Variants in RNF150 observed in about 807,000 individuals in gnomAD.
RNF150 encodes ring finger protein 150.
RNF150 carries 24 observed loss-of-function variants against 39.3 expected under a neutral mutation model. The ratio of observed to expected loss-of-function variants is 0.61; its 90% CI spans 0.44 to 0.86. The LOEUF (loss-of-function observed/expected upper bound fraction) is 0.86, where lower values mean the gene tolerates loss of function less well. RNF150 is among the 40% of genes least tolerant of loss of function. The pLI is 0.00. For synonymous variants in RNF150, 255 were observed against 227.3 expected (o/e 1.12, Z -1.10); for missense variants, 502 against 587.8 (o/e 0.85, Z 1.51).
At chr4:141,071,089 G>T (rs1737680622) in intron 1 of RNF150, among the ~76,000 whole-genome samples, 1 of 133,950 alleles carries the variant, frequency 7.5e-6, no homozygotes, top group East Asian at 2.1e-4. Flanking sequence ...GTAGGGACAT[G>T]GATGAAATTG....
intron 1 of RNF150, among the ~76,000 whole-genome samples, chr4:141,172,227 T>C (rs529132819): frequency 9.1e-4 from 139 of 152,258 alleles, no homozygotes; most frequent in African/African-American, 3.2e-3. Context: ...AGCTGGGGCA[T>C]TTGCTTCTCA....
At chr4:141,066,617 A>T (rs938060641) in intron 1 of RNF150, among the ~76,000 whole-genome samples, 1 of 152,214 alleles carries the variant, frequency 6.6e-6, no homozygotes, top group African/African-American at 2.4e-5. Flanking sequence ...GCTATGAAAT[A>T]AGCTGACGAT....
At chr4:141,193,945 C>T (rs1190073751) in intron 1 of RNF150, among the ~76,000 whole-genome samples, 1 of 152,118 alleles carries the variant, frequency 6.6e-6, no homozygotes, top group Admixed American at 6.6e-5. Context: ...ATTAGAATGG[C>T]CACTGAGGAA....
chr4:141,178,781 G>A (rs1187530058), intron 1 of RNF150, among the ~76,000 whole-genome samples: 1 of 152,022 alleles, frequency 6.6e-6, no homozygotes, highest in Non-Finnish European at 1.5e-5. Flanking sequence ...TATTGTTCAT[G>A]TTGAATGATG....
intron 1 of RNF150, among the ~76,000 whole-genome samples, chr4:141,085,016 T>G (rs952488553): frequency 6.6e-6 from 1 of 152,192 alleles, no homozygotes; most frequent in African/African-American, 2.4e-5. Context: ...TGCTCATCCT[T>G]GGGGCTGTAT....
At chr4:141,148,379 T>G (rs1727237149) in intron 1 of RNF150, among the ~76,000 whole-genome samples, 1 of 152,156 alleles carries the variant, frequency 6.6e-6, no homozygotes, top group Non-Finnish European at 1.5e-5. Context: ...GAGCAATAAT[T>G]TATAACATGT....
intron 1 of RNF150, among the ~76,000 whole-genome samples, chr4:141,107,321 C>T (rs376444827): frequency 3.3e-5 from 5 of 152,232 alleles, no homozygotes; most frequent in Admixed American, 6.5e-5. Flanking sequence ...ATATACATAA[C>T]CCATTTACAT....
chr4:141,165,675 G>A (rs1727587552), intron 1 of RNF150, among the ~76,000 whole-genome samples: 1 of 152,158 alleles, frequency 6.6e-6, no homozygotes, highest in African/African-American at 2.4e-5. Context: ...CATGGAAACT[G>A]AACAACCTGC....
chr4:140,971,121 T>C (rs1365708358), intron 1 of RNF150, among the ~76,000 whole-genome samples: 9 of 152,168 alleles, frequency 5.9e-5, no homozygotes, highest in Admixed American at 5.9e-4. Context: ...ATTGTTCAAC[T>C]GAGGCATGTG....
intron 1 of RNF150, among the ~76,000 whole-genome samples, chr4:141,202,283 A>G (rs1728302797): frequency 6.6e-6 from 1 of 152,130 alleles, no homozygotes; most frequent in African/African-American, 2.4e-5. Context: ...ACAGAATTCA[A>G]GTCTGGGATC....
At chr4:140,939,374 T>C (rs1269761501) in intron 4 of RNF150, among the ~76,000 whole-genome samples, 1 of 152,198 alleles carries the variant, frequency 6.6e-6, no homozygotes. Flanking sequence ...GTATAATATA[T>C]TCTATGTCCC....
chr4:141,168,073 T>C (rs1344266330), intron 1 of RNF150, among the ~76,000 whole-genome samples: 1 of 151,824 alleles, frequency 6.6e-6, no homozygotes, highest in Non-Finnish European at 1.5e-5. Flanking sequence ...CCAGAATCTA[T>C]GAGGAACTTA....
At chr4:141,141,770 C>T (rs866053361) in intron 1 of RNF150, among the ~76,000 whole-genome samples, 33 of 152,146 alleles carry the variant, frequency 2.2e-4, no homozygotes, top group Middle Eastern at 6.8e-3. Flanking sequence ...GTGAGTCAAT[C>T]GAGCCACTGC....
At chr4:140,921,967 C>T (rs1214281645) in intron 5 of RNF150, among the ~76,000 whole-genome samples, 2 of 150,628 alleles carry the variant, frequency 1.3e-5, no homozygotes, top group African/African-American at 2.4e-5. Context: ...TGGGACGTAT[C>T]TCAAAATAAT....
chr4:140,975,121 T>C (rs928667564), intron 1 of RNF150, among the ~76,000 whole-genome samples: 1 of 151,956 alleles, frequency 6.6e-6, no homozygotes, highest in African/African-American at 2.4e-5. Flanking sequence ...CTGGGTGTGG[T>C]GGCATGCTCC....
chr4:140,934,990 A>AAT (rs67090768), intron 4 of RNF150, among the ~76,000 whole-genome samples: 182 of 120,870 alleles, frequency 1.5e-3, no homozygotes, highest in African/African-American at 4.9e-3. Flanking sequence ...AAAGTGTTAT[A>AAT]ATATATATAT....
chr4:140,919,440 C>T (rs1182224254), intron 5 of RNF150, among the ~76,000 whole-genome samples: 5 of 143,354 alleles, frequency 3.5e-5, no homozygotes, highest in African/African-American at 1.3e-4. Flanking sequence ...TTCACAATTG[C>T]TTCAAAGAGA....
chr4:141,136,138 C>T (rs769397490), upstream of RNF150, among the ~76,000 whole-genome samples: 9 of 152,064 alleles, frequency 5.9e-5, no homozygotes, highest in African/African-American at 1.9e-4. Flanking sequence ...AATAAATATC[C>T]CAGATTGGCT....
intron 1 of RNF150, among the ~76,000 whole-genome samples, chr4:141,111,717 G>A (rs1452820813): frequency 6.6e-6 from 1 of 152,192 alleles, no homozygotes; most frequent in Non-Finnish European, 1.5e-5. Flanking sequence ...GCAGTTTAAT[G>A]AGTAAGTAAA....
Sources: gnomAD v4.1 joint callset for allele counts (sites outside exome capture counted in the v4.1 genomes callset) on GRCh38, gnomAD v4.1.1 for gene constraint, MANE v1.5 for transcripts, NCBI Gene and HGNC (gene_info 2026-07-23, HGNC 2026-07-21) for gene names.